Variants in SKAP2 observed in about 807,000 individuals in gnomAD.
SKAP2 encodes the protein src kinase-associated phosphoprotein 2.
A neutral mutation model predicts 54.9 loss-of-function variants in SKAP2; 28 were observed. The observed-to-expected ratio is 0.51, with a 90% confidence interval of 0.38 to 0.70. The LOEUF (loss-of-function observed/expected upper bound fraction) is 0.70, where lower values mean the gene tolerates loss of function less well. Among genes scored for constraint, SKAP2 ranks in the 30% least tolerant of loss-of-function variants. SKAP2 has a pLI of 0.00. For missense variants in SKAP2, 356 were observed against 424.1 expected (o/e 0.84, Z 1.41); for synonymous variants, 137 against 134.3 (o/e 1.02, Z -0.14).
chr7:26,667,594 C>T lies in SKAP2; in HGVS notation c.*2072G>A, dbSNP rs180750672. The T allele has an allele frequency of 1.4e-4, 22 of 152,674 alleles. No homozygotes were observed. The East Asian group carries it at 3.9e-3, about 27-fold the overall frequency. The allele number at this position is 152,674 out of a possible 1,614,324, so 9.5% of individuals were successfully genotyped here. A position where few individuals can be genotyped will look rare whatever the true frequency, so the allele number is the denominator to read the frequency against. ...CTTATTTCTGTATTGTCACTGTTCA[C>T]GAGACTATCTGGCTTGGAACTGTTG... On this transcript the variant is annotated 3_prime_UTR_variant, in exon 13 of 13. Coordinates refer to ENST00000345317, the MANE Select transcript of SKAP2 (RefSeq NM_003930.5).
In SKAP2 at chr7:26,830,651, A is replaced by G. The variant is rs181238688; in HGVS notation, c.307+13379T>C. Among the ~76,000 whole-genome samples, 18 of 152,280 alleles carry G rather than the reference A, an allele frequency of 1.2e-4. No individual in the cohort carries two copies. In the East Asian group the frequency reaches 2.3e-3, roughly 20 times the overall value. On this transcript the variant is annotated intron_variant, in intron 4 of 12. Transcript: ENST00000345317. ...AAATAATTTACCTGAGCTAATTCTT[A>G]TAACTTCCTTGCAGAGATATTTTCT...
At chr7:26,814,084 A>G (rs971614477) in intron 4 of SKAP2, among the ~76,000 whole-genome samples, 3 of 152,174 alleles carry the variant, frequency 2.0e-5, no homozygotes, top group Admixed American at 1.3e-4. Flanking sequence ...CTCTATAAAT[A>G]TAAAACTAAT....
chr7:26,729,778 G>T (rs902947092), intron 6 of SKAP2, among the ~76,000 whole-genome samples: 2 of 152,172 alleles, frequency 1.3e-5, no homozygotes, highest in African/African-American at 4.8e-5. Flanking sequence ...TAAGAAAAAT[G>T]GGTTTTCTGG....
At chr7:26,843,375 T>TA (rs1784857143) in intron 4 of SKAP2, among the ~76,000 whole-genome samples, 1 of 152,092 alleles carries the variant, frequency 6.6e-6, no homozygotes, top group African/African-American at 2.4e-5. Context: ...ACTCAATGGC[T>TA]ATAACAGAGA....
At chr7:26,738,770 T>G in intron 6 of SKAP2, 25 bp downstream of exon 6, 10 of 1,367,540 alleles carry the variant, frequency 7.3e-6, no homozygotes, top group Non-Finnish European at 1.0e-5. Context: ...CAATAGTAGT[T>G]GATATAATTG....
chr7:26,760,421 A>T (rs1480596343), intron 4 of SKAP2, among the ~76,000 whole-genome samples: 1 of 152,144 alleles, frequency 6.6e-6, no homozygotes. Context: ...TTATCTATCG[A>T]TGGGAAATAT....
chr7:26,851,483 G>A (rs548750201), intron 3 of SKAP2, among the ~76,000 whole-genome samples: 2 of 151,826 alleles, frequency 1.3e-5, no homozygotes, highest in African/African-American at 4.8e-5. Flanking sequence ...ACCAAACACC[G>A]CGTGTTCTCA....
chr7:26,796,694 A>T (rs1783788190), intron 4 of SKAP2, among the ~76,000 whole-genome samples: 1 of 152,240 alleles, frequency 6.6e-6, no homozygotes, highest in South Asian at 2.1e-4. Context: ...GTATTTTCTC[A>T]TTAATTTTCT....
At chr7:26,799,446 C>T (rs1382671519) in intron 4 of SKAP2, among the ~76,000 whole-genome samples, 4 of 151,898 alleles carry the variant, frequency 2.6e-5, no homozygotes, top group African/African-American at 9.7e-5. Context: ...AAGACAAAAA[C>T]AATAAGAAGA....
intron 11 of SKAP2, among the ~76,000 whole-genome samples, chr7:26,670,534 T>C (rs1786205242): frequency 6.6e-6 from 1 of 152,096 alleles, no homozygotes; most frequent in Admixed American, 6.6e-5. Context: ...TAAGAGGCTA[T>C]AGAAGGTTAA....
intron 4 of SKAP2, among the ~76,000 whole-genome samples, chr7:26,823,365 G>A (rs1024515430): frequency 1.4e-5 from 2 of 146,108 alleles, no homozygotes; most frequent in South Asian, 2.2e-4. Context: ...GGTGGGGGTC[G>A]CAGTGAGCCG....
intron 6 of SKAP2, among the ~76,000 whole-genome samples, chr7:26,736,533 A>T (rs958578954): frequency 3.3e-5 from 5 of 152,222 alleles, no homozygotes; most frequent in African/African-American, 1.2e-4. Context: ...AAGAAGTAAC[A>T]ATAAGTGTAA....
At chr7:26,734,374 T>C (rs545215025) in intron 6 of SKAP2, among the ~76,000 whole-genome samples, 16 of 152,280 alleles carry the variant, frequency 1.1e-4, no homozygotes, top group African/African-American at 3.8e-4. Context: ...CTTACCAACC[T>C]GGTCTAATCC....
At chr7:26,793,150 C>G (rs1783704599) in intron 4 of SKAP2, among the ~76,000 whole-genome samples, 1 of 152,142 alleles carries the variant, frequency 6.6e-6, no homozygotes, top group Non-Finnish European at 1.5e-5. Context: ...TAATGCTTCC[C>G]TAGTCTGACA....
intron 5 of SKAP2, 130 bp from the exon 6 acceptor site, chr7:26,739,008 A>G: frequency 1.5e-6 from 1 of 658,396 alleles, no homozygotes; most frequent in South Asian, 1.8e-5. Flanking sequence ...TCCAAGAGAC[A>G]AAAAACCAAA....
At chr7:26,656,090 C>T in the SKAP2 span, among the ~76,000 whole-genome samples, 3 of 152,184 alleles carry the variant, frequency 2.0e-5, no homozygotes, top group Admixed American at 2.0e-4. Flanking sequence ...CCTGTGACAG[C>T]ACAAACCCAA....
At chr7:26,657,120 C>G in the SKAP2 span, among the ~76,000 whole-genome samples, 4 of 152,152 alleles carry the variant, frequency 2.6e-5, no homozygotes, top group Non-Finnish European at 5.9e-5. Flanking sequence ...TCTCATCAAC[C>G]AATGTAAAAG....
At chr7:26,724,544 G>A (rs1217769206) in intron 9 of SKAP2, among the ~76,000 whole-genome samples, 1 of 152,054 alleles carries the variant, frequency 6.6e-6, no homozygotes, top group Non-Finnish European at 1.5e-5. Context: ...AATTTTAAAG[G>A]TTTAACATTA....
intron 1 of SKAP2, among the ~76,000 whole-genome samples, chr7:26,860,342 C>CA (rs1439061416): frequency 6.6e-6 from 1 of 152,140 alleles, no homozygotes; most frequent in Non-Finnish European, 1.5e-5. Context: ...TTAGCCCATA[C>CA]AAAAAACTCT....
Sources: allele counts gnomAD v4.1 joint callset (sites outside exome capture counted in the v4.1 genomes callset), GRCh38; gene constraint gnomAD v4.1.1; transcripts MANE v1.5; gene names NCBI Gene and HGNC (gene_info 2026-07-23, HGNC 2026-07-21).